COLEC12: variants seen among roughly 807,000 people sequenced by gnomAD.
The protein encoded by COLEC12 is collectin subfamily member 12, also known as collectin-12.
In COLEC12, 33 loss-of-function variants were observed where a neutral mutation model predicts 71.1. The ratio of observed to expected loss-of-function variants is 0.46; its 90% CI spans 0.35 to 0.62. The LOEUF (loss-of-function observed/expected upper bound fraction) is 0.62, where lower values mean the gene tolerates loss of function less well. COLEC12 is among the 20% of genes least tolerant of loss of function. The pLI is 0.00. For synonymous variants in COLEC12, 350 were observed against 353.0 expected, an observed-to-expected ratio of 0.99 and a Z score of 0.10; for missense variants, 765 against 916.1, an observed-to-expected ratio of 0.84 and a Z score of 2.13.
At chr18:475,763 CCT>C (rs1038935026) in intron 2 of COLEC12, among the ~76,000 whole-genome samples, 2 of 152,182 alleles carry the variant, frequency 1.3e-5, no homozygotes, top group African/African-American at 4.8e-5. Context: ...TTTCTCTAAA[CCT>C]CTTGGCAAGA....
chr18:442,003 A>C (rs1232734622), intron 2 of COLEC12, among the ~76,000 whole-genome samples: 5 of 2,384 alleles, frequency 2.1e-3, no homozygotes, highest in South Asian at 5.3e-3. Context: ...CTCTCTCTCT[A>C]CACACACACA....
intron 2 of COLEC12, among the ~76,000 whole-genome samples, chr18:442,002 TACACACACACACACACACACA>T (rs1182420487): frequency 4.1e-5 from 5 of 120,744 alleles, no homozygotes; most frequent in Admixed American, 2.4e-4. Context: ...TCTCTCTCTC[TACACACACACACACACACACA>T]CACACACACA....
At chr18:485,396 C>T (rs1013303300) in intron 1 of COLEC12, among the ~76,000 whole-genome samples, 2 of 152,232 alleles carry the variant, frequency 1.3e-5, no homozygotes, top group African/African-American at 4.8e-5. Context: ...CTGTTTCTGA[C>T]AGCCATCTGT....
chr18:433,644 G>A (rs138834606), intron 2 of COLEC12, among the ~76,000 whole-genome samples: 4 of 152,102 alleles, frequency 2.6e-5, no homozygotes, highest in East Asian at 1.9e-4. Context: ...CCTGATCATC[G>A]CATCCTGAAT....
chr18:354,778 TGAA>T (rs2143495333), intron 3 of COLEC12, among the ~76,000 whole-genome samples: 1 of 152,232 alleles, frequency 6.6e-6, no homozygotes, highest in Admixed American at 6.5e-5. Flanking sequence ...AGTGGAGGCC[TGAA>T]GGAGGGGGGC....
chr18:457,130 A>T (rs1309210688), intron 2 of COLEC12, among the ~76,000 whole-genome samples: 1 of 152,204 alleles, frequency 6.6e-6, no homozygotes, highest in Non-Finnish European at 1.5e-5. Flanking sequence ...GATTACATGT[A>T]ACAGCATGGC....
chr18:449,390 T>C (rs1021902900), intron 2 of COLEC12, among the ~76,000 whole-genome samples: 8 of 152,306 alleles, frequency 5.3e-5, no homozygotes, highest in South Asian at 4.2e-4. Context: ...CTCTAAAATA[T>C]AGTTTACACT....
intron 2 of COLEC12, among the ~76,000 whole-genome samples, chr18:425,350 A>G (rs1916180174): frequency 6.6e-6 from 1 of 151,778 alleles, no homozygotes; most frequent in Admixed American, 6.6e-5. Flanking sequence ...TGCCCCTCCC[A>G]CCCAGGGCTC....
intron 2 of COLEC12, among the ~76,000 whole-genome samples, chr18:383,133 G>T (rs1915271083): frequency 6.6e-6 from 1 of 152,156 alleles, no homozygotes; most frequent in Non-Finnish European, 1.5e-5. Flanking sequence ...CCAGGACTGG[G>T]AAGTTCATTC....
intron 2 of COLEC12, among the ~76,000 whole-genome samples, chr18:449,731 GC>G (rs1916722540): frequency 6.6e-6 from 1 of 152,154 alleles, no homozygotes; most frequent in South Asian, 2.1e-4. Context: ...ACTGATCATG[GC>G]AGGGACACGA....
intron 2 of COLEC12, among the ~76,000 whole-genome samples, chr18:372,074 A>G (rs1306215769): frequency 6.6e-6 from 1 of 152,120 alleles, no homozygotes; most frequent in East Asian, 1.9e-4. Flanking sequence ...TGCAGTACCA[A>G]CACTGTGAAC....
rs1913593839 is a variant in COLEC12 at position 318,122 on chromosome 18, GCCC to G, written c.*1920_*1922del. ...CTCCCGAGTAGCTGGGACTACAGGC[GCCC>G]GCCACCGCGCCCGGCTAATTTTTTT... On this transcript the variant is annotated 3_prime_UTR_variant, in exon 10 of 10. Transcript: ENST00000400256. The G allele has an allele frequency of 2.0e-5, 1 of 49,342 alleles. No homozygotes were observed. Among genetic ancestry groups the G allele is most frequent in the South Asian group, 8.0e-4 (1 of 1,244 alleles). 3.1% of individuals were successfully genotyped at this position (49,342 alleles called of 1,614,324 possible). A position where few individuals can be genotyped will look rare whatever the true frequency, so the allele number is the denominator to read the frequency against.
chr18:452,418 C>T (rs1916780425), intron 2 of COLEC12, among the ~76,000 whole-genome samples: 1 of 152,186 alleles, frequency 6.6e-6, no homozygotes, highest in South Asian at 2.1e-4. Flanking sequence ...CAGTGCCTGG[C>T]ATATGGTAAG....
chr18:480,842 C>T lies in COLEC12; in HGVS notation c.8-85G>A. The T allele has an allele frequency of 8.7e-7, 1 of 1,148,644 alleles. No individual in the cohort carries two copies. Among genetic ancestry groups the T allele is most frequent in the Non-Finnish European group, 1.3e-6 (1 of 755,692 alleles). 71.2% of individuals were successfully genotyped at this position (1,148,644 alleles called of 1,614,324 possible). On this transcript the variant is annotated intron_variant, in intron 1 of 9. Coordinates refer to ENST00000400256, the MANE Select transcript of COLEC12 (RefSeq NM_130386.3). This position sits in a 1 kb window ranked among gnomAD's most constrained non-coding sequence, Gnocchi z 4.1. ...GGGCAGGATGCGACCTGCTTCATCGCCCCTGCTTGTCACAGCAGCTTTCCT... is the reference window on the plus strand; with the variant it reads ...GGGCAGGATGCGACCTGCTTCATCGTCCCTGCTTGTCACAGCAGCTTTCCT...
intron 2 of COLEC12, among the ~76,000 whole-genome samples, chr18:403,128 G>C (rs1157439932): frequency 1.3e-5 from 2 of 152,282 alleles, no homozygotes; most frequent in East Asian, 3.9e-4. Context: ...TGATACAAAG[G>C]ACTTAGCCTC....
intron 2 of COLEC12, among the ~76,000 whole-genome samples, chr18:375,180 C>T (rs1335053710): frequency 1.3e-5 from 2 of 152,178 alleles, no homozygotes; most frequent in East Asian, 3.9e-4. Context: ...TTCTCCTCTC[C>T]TGAGAGAAAG....
chr18:464,092 G>A (rs868088707), intron 2 of COLEC12, among the ~76,000 whole-genome samples: 15 of 152,162 alleles, frequency 9.9e-5, no homozygotes, highest in Middle Eastern at 3.4e-3. Context: ...CTAGAGGCCC[G>A]CACTGCTGCT....
Position 318,170 on chromosome 18 carries a change from C to T in COLEC12, c.*1875G>A, listed in dbSNP as rs1396964008. 8 of 151,662 alleles carry T rather than the reference C, an allele frequency of 5.3e-5. No individual in the cohort carries two copies. The highest frequency in any genetic ancestry group is 2.0e-4 in the East Asian group (1 of 5,128). 9.4% of individuals were successfully genotyped at this position (151,662 alleles called of 1,614,324 possible). A position where few individuals can be genotyped will look rare whatever the true frequency, so the allele number is the denominator to read the frequency against. ...TTTTTTTTTGTATTTTTAGTAGAGA[C>T]GGGGTTTCACCGTGTTAGCCAGGAT... On this transcript the variant is annotated 3_prime_UTR_variant, in exon 10 of 10. Coordinates refer to ENST00000400256, the MANE Select transcript of COLEC12 (RefSeq NM_130386.3).
intron 6 of COLEC12, chr18:333,748 T>C (rs1212197611): frequency 6.6e-6 from 1 of 152,238 alleles, no homozygotes; most frequent in Non-Finnish European, 1.5e-5. Flanking sequence ...CACATGTTGA[T>C]GGAGCTAACC....
Sources: gnomAD v4.1 joint callset for allele counts (sites outside exome capture counted in the v4.1 genomes callset) on GRCh38, gnomAD v4.1.1 for gene constraint, Gnocchi (gnomAD v3.1) non-coding constraint, MANE v1.5 for transcripts, NCBI Gene and HGNC (gene_info 2026-07-23, HGNC 2026-07-21) for gene names.